PPP2R2B: variants seen among roughly 807,000 people sequenced by gnomAD.
PPP2R2B encodes serine/threonine-protein phosphatase 2A 55 kDa regulatory subunit B beta isoform.
In PPP2R2B, 5 loss-of-function variants were observed where a neutral mutation model predicts 46.0. The ratio of observed to expected loss-of-function variants is 0.11; its 90% confidence interval spans 0.06 to 0.23. The LOEUF (loss-of-function observed/expected upper bound fraction) is 0.23, where lower values mean the gene tolerates loss of function less well. Ranked by LOEUF, PPP2R2B falls within the 10% of genes least tolerant of loss-of-function variation. PPP2R2B has a pLI of 1.00. For missense variants in PPP2R2B, 367 were observed against 575.0 expected, an observed-to-expected ratio of 0.64 and a Z score of 3.70; for synonymous variants, 215 against 206.7, an observed-to-expected ratio of 1.04 and a Z score of -0.34.
At chr5:146,590,365 A>T (rs1770495503) in intron 9 of PPP2R2B, 139 bp from the exon 10 acceptor site, 4 of 653,832 alleles carry the variant, frequency 6.1e-6, no homozygotes, top group Non-Finnish European at 2.4e-6. Flanking sequence ...CAGGCTCTGC[A>T]GTGTGATTAT....
rs370325573 is a variant in PPP2R2B at position 147,013,013 on chromosome 5, G to A, written c.79+42652C>T. On this transcript the variant is annotated intron_variant, in intron 1 of 8. Transcript: ENST00000336640. ...TTGTCTCAGCCCAAAATCTCCTTAA[G>A]CTGATAAGCAACTTCAGCAAAGTCT... Among the ~76,000 whole-genome samples the A allele has an allele frequency of 2.6e-4, 40 of 151,766 alleles. 1 individual carries two copies. In the South Asian group the frequency reaches 8.0e-3, roughly 30 times the overall value.
intron 6 of PPP2R2B, among the ~76,000 whole-genome samples, chr5:146,646,920 A>T (rs1561800956): frequency 6.6e-6 from 1 of 152,148 alleles, no homozygotes; most frequent in Non-Finnish European, 1.5e-5. Context: ...CAGATGAACA[A>T]AATGAGAAAT....
chr5:146,802,703 A>G (rs969259575), intron 2 of PPP2R2B, among the ~76,000 whole-genome samples: 2 of 152,152 alleles, frequency 1.3e-5, no homozygotes, highest in African/African-American at 4.8e-5. Context: ...GCAGGTTGGT[A>G]AACAGTTTTT....
chr5:146,771,371 A>T (rs1420402853), intron 2 of PPP2R2B, among the ~76,000 whole-genome samples: 5 of 152,218 alleles, frequency 3.3e-5, no homozygotes, highest in African/African-American at 1.2e-4. Flanking sequence ...TCCCTTGCGA[A>T]CAGGTGCTAC....
At position 146,589,632 on chromosome 5, in the gene PPP2R2B, A is replaced by G. The variant is rs1286463196; in HGVS notation, c.*315T>C. 1.1e-5 allele frequency: 3 copies of G among 263,598 alleles called. No individual in the cohort carries two copies. Among genetic ancestry groups the G allele is most frequent in the African/African-American group, 4.4e-5 (2 of 45,434 alleles). 16.3% of individuals were successfully genotyped at this position (263,598 alleles called of 1,614,324 possible). A position where few individuals can be genotyped will look rare whatever the true frequency, so the allele number is the denominator to read the frequency against. On this transcript the variant is annotated 3_prime_UTR_variant, in exon 10 of 10. Coordinates refer to ENST00000394411, the MANE Select transcript of PPP2R2B (RefSeq NM_181675.4). ...ACAACCTCATTTTATCGCAGCAGAC[A>G]CCTAGGAACAAAACACTGGACCCAC...
At chr5:146,638,150 G>A (rs1774944665) in intron 7 of PPP2R2B, 101 bp downstream of exon 7, 1 of 1,227,784 alleles carries the variant, frequency 8.1e-7, no homozygotes, top group Non-Finnish European at 1.1e-6. Context: ...TTTACTCCTA[G>A]TGTGTCTGGT....
intron 2 of PPP2R2B, among the ~76,000 whole-genome samples, chr5:146,866,318 TTTGC>T (rs1379428485): frequency 6.6e-6 from 1 of 152,198 alleles, no homozygotes; most frequent in Non-Finnish European, 1.5e-5. Context: ...TGTACGTCAG[TTTGC>T]TCTTAATAAC....
intron 8 of PPP2R2B, 25 bp from the exon 9 acceptor site, chr5:146,593,087 G>A: frequency 6.4e-7 from 1 of 1,550,768 alleles, no homozygotes; most frequent in Non-Finnish European, 8.9e-7. Context: ...TATCGAGAAG[G>A]TCAGTTATTA....
At chr5:146,699,819 G>A (rs1223179674) in intron 3 of PPP2R2B, among the ~76,000 whole-genome samples, 6 of 152,038 alleles carry the variant, frequency 3.9e-5, no homozygotes, top group African/African-American at 1.4e-4. Flanking sequence ...GTGTTGATTT[G>A]CTACCATCCA....
chr5:147,008,846 C>A (rs1754575648), intron 1 of PPP2R2B, among the ~76,000 whole-genome samples: 1 of 152,138 alleles, frequency 6.6e-6, no homozygotes, highest in African/African-American at 2.4e-5. Context: ...TTAATCACAG[C>A]AAAATAACAG....
intron 2 of PPP2R2B, among the ~76,000 whole-genome samples, chr5:146,724,851 A>G (rs956668458): frequency 1.8e-4 from 27 of 152,298 alleles, no homozygotes; most frequent in African/African-American, 5.3e-4. Context: ...TTTAATCATC[A>G]TAATTCCTAG....
At chr5:146,642,937 G>T (rs546480403) in intron 6 of PPP2R2B, among the ~76,000 whole-genome samples, 1 of 152,238 alleles carries the variant, frequency 6.6e-6, no homozygotes, top group African/African-American at 2.4e-5. Flanking sequence ...TGCACCTGTA[G>T]TTCCAGCTAC....
At chr5:146,826,976 T>C (rs1450166484) in intron 2 of PPP2R2B, among the ~76,000 whole-genome samples, 2 of 152,240 alleles carry the variant, frequency 1.3e-5, no homozygotes, top group African/African-American at 4.8e-5. Flanking sequence ...CACTAGCTCA[T>C]CACAGGTGCT....
At chr5:146,852,446 G>T (rs767405238) in intron 2 of PPP2R2B, among the ~76,000 whole-genome samples, 2 of 152,124 alleles carry the variant, frequency 1.3e-5, no homozygotes, top group Admixed American at 6.5e-5. Context: ...TAACAGTCTT[G>T]CCTTTCACAC....
At chr5:147,036,810 TAGAA>T (rs1756059787) in intron 1 of PPP2R2B, among the ~76,000 whole-genome samples, 1 of 152,222 alleles carries the variant, frequency 6.6e-6, no homozygotes, top group South Asian at 2.1e-4. Flanking sequence ...CCCATAGCAT[TAGAA>T]AGACTTTTTG....
chr5:147,034,731 C>T (rs1036046696), intron 1 of PPP2R2B, among the ~76,000 whole-genome samples: 1 of 152,116 alleles, frequency 6.6e-6, no homozygotes, highest in Non-Finnish European at 1.5e-5. Flanking sequence ...TTATTTATTA[C>T]ATCAACCCTC....
intron 2 of PPP2R2B, among the ~76,000 whole-genome samples, chr5:146,868,967 G>A (rs1233170110): frequency 6.6e-6 from 1 of 152,192 alleles, no homozygotes; most frequent in Non-Finnish European, 1.5e-5. Flanking sequence ...GATAAGAACA[G>A]TATCAGCCTA....
chr5:146,675,196 G>A (rs322993), intron 5 of PPP2R2B, among the ~76,000 whole-genome samples: 108,121 of 151,940 alleles, frequency 0.71, 41,619 homozygotes, highest in Non-Finnish European at 0.86. Context: ...TCCTGACCTC[G>A]TGATCCACCC....
intron 1 of PPP2R2B, among the ~76,000 whole-genome samples, chr5:146,969,715 T>C (rs771098723): frequency 1.3e-5 from 2 of 152,204 alleles, no homozygotes; most frequent in Non-Finnish European, 2.9e-5. Context: ...TATTTGTGTG[T>C]TTTTTGGGGT....
Sources: gnomAD v4.1 joint callset for allele counts (sites outside exome capture counted in the v4.1 genomes callset) on GRCh38, gnomAD v4.1.1 for gene constraint, MANE v1.5 for transcripts, NCBI Gene and HGNC (gene_info 2026-07-23, HGNC 2026-07-21) for gene names.